The following TMEM266 variants were observed in gnomAD, a reference collection of about 807,000 sequenced individuals.
TMEM266 encodes transmembrane protein 266.
Under a neutral mutation model 50.5 loss-of-function variants are expected in TMEM266, and 33 were observed. The observed-to-expected ratio is 0.65, with a 90% confidence interval of 0.50 to 0.87. The LOEUF (loss-of-function observed/expected upper bound fraction) is 0.87, where lower values mean the gene tolerates loss of function less well. TMEM266 is among the 40% of genes least tolerant of loss of function. The pLI is 0.00. For missense variants in TMEM266, 655 were observed against 695.1 expected (o/e 0.94, Z 0.65); for synonymous variants, 310 against 292.3 (o/e 1.06, Z -0.62).
At chr15:76,079,870 C>G (rs999620221) in intron 1 of TMEM266, among the ~76,000 whole-genome samples, 1 of 151,708 alleles carries the variant, frequency 6.6e-6, no homozygotes, top group Non-Finnish European at 1.5e-5. Flanking sequence ...TAACTCAACC[C>G]ACTATAGGTC....
At chr15:76,116,207 T>C (rs2955764) in intron 1 of TMEM266, among the ~76,000 whole-genome samples, 54,663 of 151,852 alleles carry the variant, frequency 0.36, 12,152 homozygotes, top group East Asian at 0.6. Flanking sequence ...CCTCTACTTA[T>C]GCACGTCTCC....
At chr15:76,130,991 A>G (rs2037502590) in intron 1 of TMEM266, among the ~76,000 whole-genome samples, 2 of 152,164 alleles carry the variant, frequency 1.3e-5, no homozygotes, top group African/African-American at 4.8e-5. Flanking sequence ...TATTTTTTAA[A>G]TTTGCCTGCC....
intron 1 of TMEM266, among the ~76,000 whole-genome samples, chr15:76,068,580 C>T (rs1473533633): frequency 6.6e-6 from 1 of 152,116 alleles, no homozygotes; most frequent in Non-Finnish European, 1.5e-5. Flanking sequence ...TCATAAGGGT[C>T]GGTCCCTAAT....
intron 1 of TMEM266, chr15:76,112,203 A>G (rs2142012301): frequency 6.6e-6 from 1 of 152,334 alleles, no homozygotes. Flanking sequence ...GTTCTGTATG[A>G]TACTCTTAAT....
At chr15:76,067,312 C>T (rs1028852598) in intron 1 of TMEM266, among the ~76,000 whole-genome samples, 1 of 152,082 alleles carries the variant, frequency 6.6e-6, no homozygotes, top group East Asian at 1.9e-4. Flanking sequence ...CTGAAGGCCT[C>T]GGGTCTAGAT....
At chr15:76,155,081 T>A (rs892546294) in intron 3 of TMEM266, among the ~76,000 whole-genome samples, 2 of 152,222 alleles carry the variant, frequency 1.3e-5, no homozygotes, top group Admixed American at 1.3e-4. Context: ...TAGTGACCTG[T>A]GAGTTCAGGA....
intron 5 of TMEM266, among the ~76,000 whole-genome samples, chr15:76,169,376 C>A (rs1324487705): frequency 1.3e-5 from 2 of 152,012 alleles, no homozygotes; most frequent in Non-Finnish European, 1.5e-5. Context: ...GTTTTTGCCA[C>A]ATGCAAAGAC....
rs139364251 is a variant in TMEM266 at position 76,180,211 on chromosome 15, A to G, written c.768+4537A>G. Among the ~76,000 whole-genome samples the G allele has an allele frequency of 5.1e-3, 777 of 152,294 alleles. 8 individuals carry two copies. Among genetic ancestry groups the G allele is most frequent in the African/African-American group, 0.017 (718 of 41,554 alleles). On this transcript the variant is annotated intron_variant, in intron 8 of 10. Coordinates refer to ENST00000388942, the MANE Select transcript of TMEM266 (RefSeq NM_152335.3). ...CATTTGTTACAATGAACAAACCCAC[A>G]TTGATACGGTACTCAGGTTTTCTTA...
chr15:76,116,525 T>A (rs747686541), intron 1 of TMEM266, among the ~76,000 whole-genome samples: 1 of 151,634 alleles, frequency 6.6e-6, no homozygotes, highest in Non-Finnish European at 1.5e-5. Flanking sequence ...TCCTCACTAA[T>A]GAATCTCTAG....
At chr15:76,118,851 G>A (rs891602984) in intron 1 of TMEM266, among the ~76,000 whole-genome samples, 1 of 152,224 alleles carries the variant, frequency 6.6e-6, no homozygotes, top group African/African-American at 2.4e-5. Flanking sequence ...GGACAGCTCC[G>A]AGTGGGGAGC....
intron 3 of TMEM266, among the ~76,000 whole-genome samples, chr15:76,140,407 G>T (rs926730542): frequency 6.6e-6 from 1 of 152,220 alleles, no homozygotes; most frequent in African/African-American, 2.4e-5. Flanking sequence ...CCTTTCTGGG[G>T]CAATGGAAAA....
chr15:76,106,010 C>T (rs1298283640), intron 1 of TMEM266, among the ~76,000 whole-genome samples: 2 of 152,174 alleles, frequency 1.3e-5, no homozygotes, highest in East Asian at 3.9e-4. Context: ...TCATGCTAAA[C>T]TGCCACCCTG....
At chr15:76,182,996 A>C (rs1040136949) in intron 8 of TMEM266, among the ~76,000 whole-genome samples, 2 of 149,556 alleles carry the variant, frequency 1.3e-5, no homozygotes, top group Admixed American at 6.7e-5. Flanking sequence ...GGAGGAGTAC[A>C]TTTGTCACTC....
intron 9 of TMEM266, among the ~76,000 whole-genome samples, chr15:76,194,019 C>T (rs373469808): frequency 6.6e-6 from 1 of 152,220 alleles, no homozygotes; most frequent in African/African-American, 2.4e-5. Flanking sequence ...GTGGCCACTA[C>T]TGCTTTTTTT....
chr15:76,086,927 T>TCG (rs1276938802), intron 1 of TMEM266, among the ~76,000 whole-genome samples: 4 of 40,716 alleles, frequency 9.8e-5, no homozygotes, highest in African/African-American at 3.8e-4. Flanking sequence ...AGGGAGCAGG[T>TCG]CGGGGGGGGG....
chr15:76,186,356 C>G (rs1281833217), intron 8 of TMEM266, among the ~76,000 whole-genome samples: 2 of 152,216 alleles, frequency 1.3e-5, no homozygotes, highest in African/African-American at 4.8e-5. Context: ...AGGAGCCCAG[C>G]TCTGAGGGTC....
At chr15:76,104,751 G>A (rs1373263329) in intron 1 of TMEM266, among the ~76,000 whole-genome samples, 5 of 152,162 alleles carry the variant, frequency 3.3e-5, no homozygotes, top group Non-Finnish European at 7.3e-5. Context: ...GAGGAGAGGG[G>A]AGAAGGTGTA....
At chr15:76,156,828 A>G (rs1482084128) in intron 4 of TMEM266, 70 bp downstream of exon 4, 8 of 1,524,100 alleles carry the variant, frequency 5.2e-6, no homozygotes, top group African/African-American at 2.7e-5. Context: ...TGCATTCATC[A>G]GGGGTCCCCA....
chr15:76,198,204 C>G (rs2038684180), intron 9 of TMEM266, among the ~76,000 whole-genome samples: 1 of 152,140 alleles, frequency 6.6e-6, no homozygotes, highest in Admixed American at 6.5e-5. Flanking sequence ...AAGGGATCTA[C>G]CTAAGGCCAC....
Sources: gnomAD v4.1 joint callset for allele counts (sites outside exome capture counted in the v4.1 genomes callset) on GRCh38, gnomAD v4.1.1 for gene constraint, MANE v1.5 for transcripts, NCBI Gene and HGNC (gene_info 2026-07-23, HGNC 2026-07-21) for gene names.